Variants in LRRIQ1 observed in about 807,000 individuals in gnomAD.
LRRIQ1 encodes leucine rich repeats and IQ motif containing 1.
In LRRIQ1, 210 loss-of-function variants were observed where a neutral mutation model predicts 211.9. The ratio of observed to expected loss-of-function variants is 0.99; its 90% CI spans 0.89 to 1.11. The LOEUF is 1.11. Among genes scored for constraint, LRRIQ1 ranks in the 50% most tolerant of loss-of-function variants. The pLI is 0.00. For synonymous variants in LRRIQ1, 699 were observed against 650.1 expected, an observed-to-expected ratio of 1.08 and a Z score of -1.14; for missense variants, 2,136 against 1,939.5, an observed-to-expected ratio of 1.10 and a Z score of -1.90.
chr12:85,156,510 T>A (rs1299884832), intron 23 of LRRIQ1, among the ~76,000 whole-genome samples: 1 of 151,778 alleles, frequency 6.6e-6, no homozygotes, highest in African/African-American at 2.4e-5. Flanking sequence ...GGTTTTCTTC[T>A]TATAGAATAA....
chr12:85,150,420 C>A (rs1180521027), intron 19 of LRRIQ1, among the ~76,000 whole-genome samples: 5 of 151,628 alleles, frequency 3.3e-5, no homozygotes, highest in African/African-American at 1.2e-4. Flanking sequence ...AATTTCCATC[C>A]CCACCTTATT....
intron 3 of LRRIQ1, among the ~76,000 whole-genome samples, chr12:85,043,406 T>C (rs1879134305): frequency 6.6e-6 from 1 of 152,146 alleles, no homozygotes; most frequent in South Asian, 2.1e-4. Flanking sequence ...CACCTACATG[T>C]AGCCTCTCTC....
At chr12:85,106,457 A>C in intron 14 of LRRIQ1, 65 bp from the exon 15 acceptor site, 1 of 1,161,030 alleles carries the variant, frequency 8.6e-7, no homozygotes, top group Non-Finnish European at 1.3e-6. Flanking sequence ...TACAGTGGTC[A>C]TAGATTTATG....
rs567102890 is a variant in LRRIQ1 at position 85,232,816 on chromosome 12, G to A, written c.5016+60G>A. 1.8e-5 allele frequency: 21 copies of A among 1,138,262 alleles called. No homozygotes were observed. The African/African-American group carries it at 2.4e-4, about 13-fold the overall frequency. The allele number at this position is 1,138,262 out of a possible 1,614,324, so 70.5% of individuals were successfully genotyped here. A position where few individuals can be genotyped will look rare whatever the true frequency, so the allele number is the denominator to read the frequency against. ...GTAGACACTAGTGCTCAAATAAATG[G>A]CACTTTAAGATATGTTTATAATTAA... On this transcript the variant is annotated intron_variant, in intron 26 of 26. Coordinates refer to ENST00000393217, the MANE Select transcript of LRRIQ1 (RefSeq NM_001079910.2).
intron 11 of LRRIQ1, among the ~76,000 whole-genome samples, chr12:85,085,086 G>A (rs185971038): frequency 3.3e-5 from 5 of 152,244 alleles, no homozygotes; most frequent in Admixed American, 6.5e-5. Context: ...TTACTAAGAT[G>A]AGACATAGTA....
intron 1 of LRRIQ1, among the ~76,000 whole-genome samples, chr12:85,254,165 G>A (rs1019874944): frequency 2.6e-5 from 4 of 151,898 alleles, no homozygotes; most frequent in African/African-American, 9.7e-5. Flanking sequence ...TGCCATGATT[G>A]TGAGCTTCTG....
rs1482214955 is a variant in LRRIQ1 at position 85,124,426 on chromosome 12, G to A, written c.3914G>A (p.Ser1305Asn). The A allele has an allele frequency of 1.3e-5, 21 of 1,613,852 alleles. No homozygotes were observed. In the East Asian group the frequency reaches 4.2e-4, roughly 33 times the overall value. Residue 1305 changes from serine to asparagine, a missense_variant, in exon 17 of 27, where the codon AGC becomes AAC. Coordinates refer to ENST00000393217, the MANE Select transcript of LRRIQ1 (RefSeq NM_001079910.2). ...VCQKREDSKA[S>N]SIPTIRIPFK... ...CAGAAGAGAGAAGACAGCAAGGCAA[G>A]CAGTATTCCCACCATAAGAATCCCA...
At chr12:85,247,786 T>C (rs1895773843), downstream of LRRIQ1, among the ~76,000 whole-genome samples, 1 of 151,570 alleles carries the variant, frequency 6.6e-6, no homozygotes, top group Non-Finnish European at 1.5e-5. Context: ...TCCTTTTCTG[T>C]GTGTCAAAAA....
At chr12:85,210,350 A>G (rs1339179264) in intron 24 of LRRIQ1, among the ~76,000 whole-genome samples, 2 of 152,214 alleles carry the variant, frequency 1.3e-5, no homozygotes, top group African/African-American at 2.4e-5. Flanking sequence ...TTACGGAAAA[A>G]CTAATATAAT....
chr12:85,201,680 A>T (rs983784441), intron 24 of LRRIQ1, among the ~76,000 whole-genome samples: 7 of 151,678 alleles, frequency 4.6e-5, no homozygotes, highest in African/African-American at 1.7e-4. Context: ...TTCTCTCTTT[A>T]CTAAAAAAAA....
chr12:85,068,436 A>G (rs1351739911), intron 10 of LRRIQ1, among the ~76,000 whole-genome samples: 1 of 151,934 alleles, frequency 6.6e-6, no homozygotes, highest in Non-Finnish European at 1.5e-5. Flanking sequence ...ACAATAATAC[A>G]TAGAAATTCC....
intron 13 of LRRIQ1, among the ~76,000 whole-genome samples, chr12:85,102,812 C>A (rs768132631): frequency 6.6e-6 from 1 of 150,596 alleles, no homozygotes; most frequent in Non-Finnish European, 1.5e-5. Context: ...ATAAAAAACA[C>A]GAAAGCAATA....
chr12:85,180,152 C>T (rs1414667646), intron 24 of LRRIQ1, among the ~76,000 whole-genome samples: 1 of 151,930 alleles, frequency 6.6e-6, no homozygotes, highest in Non-Finnish European at 1.5e-5. Flanking sequence ...TCTCAACCAC[C>T]TCTGAGATCT....
At chr12:85,248,784 TTAAG>T (rs1343660154), downstream of LRRIQ1, among the ~76,000 whole-genome samples, 1 of 151,690 alleles carries the variant, frequency 6.6e-6, no homozygotes, top group East Asian at 1.9e-4. Context: ...CATTTGGGAT[TTAAG>T]TAAGGAAAGA....
At chr12:85,261,723 G>A (rs1322010262) in intron 1 of LRRIQ1, among the ~76,000 whole-genome samples, 1 of 150,538 alleles carries the variant, frequency 6.6e-6, no homozygotes, top group African/African-American at 2.4e-5. Flanking sequence ...TAATCCTAAG[G>A]GGATTTAAAG....
chr12:85,180,107 A>G (rs1034091916), intron 24 of LRRIQ1, among the ~76,000 whole-genome samples: 1 of 151,972 alleles, frequency 6.6e-6, no homozygotes, highest in African/African-American at 2.4e-5. Context: ...CTTACAACTC[A>G]TTCAGTGTTC....
chr12:85,170,319 C>T (rs1413794498), intron 24 of LRRIQ1, among the ~76,000 whole-genome samples: 1 of 150,596 alleles, frequency 6.6e-6, no homozygotes, highest in Admixed American at 6.6e-5. Context: ...GTAAAACTTA[C>T]ATCACATAAT....
At chr12:85,132,986 A>G (rs1888877805) in intron 18 of LRRIQ1, among the ~76,000 whole-genome samples, 1 of 152,018 alleles carries the variant, frequency 6.6e-6, no homozygotes, top group African/African-American at 2.4e-5. Flanking sequence ...AGAGGTAAAT[A>G]TGATTAAAAT....
intron 24 of LRRIQ1, among the ~76,000 whole-genome samples, chr12:85,168,942 C>G (rs1041218289): frequency 6.6e-6 from 1 of 152,104 alleles, no homozygotes; most frequent in Non-Finnish European, 1.5e-5. Context: ...ACCATGGCAA[C>G]AACATATCAT....
Sources: allele counts gnomAD v4.1 joint callset (sites outside exome capture counted in the v4.1 genomes callset), GRCh38; gene constraint gnomAD v4.1.1; transcripts MANE v1.5; gene names NCBI Gene and HGNC (gene_info 2026-07-23, HGNC 2026-07-21).